The following CEACAM8 variants were observed in gnomAD, a reference collection of about 807,000 sequenced individuals.
The protein encoded by CEACAM8 is cell adhesion molecule CEACAM8.
In CEACAM8, 31 loss-of-function variants were observed where a neutral mutation model predicts 33.4. That is an observed-to-expected ratio of 0.93 (90% CI 0.70 to 1.25). The LOEUF is 1.25. Ranked by LOEUF, CEACAM8 falls within the 50% of genes most tolerant of loss-of-function variation. The pLI, the probability that CEACAM8 is intolerant of heterozygous loss-of-function variation, is 0.00. For synonymous variants in CEACAM8, 138 were observed against 164.5 expected (o/e 0.84, Z 1.23); for missense variants, 388 against 434.6 (o/e 0.89, Z 0.95).
At chr19:42,586,384 G>C (rs1048970504) in intron 4 of CEACAM8, among the ~76,000 whole-genome samples, 1 of 152,196 alleles carries the variant, frequency 6.6e-6, no homozygotes, top group African/African-American at 2.4e-5. Flanking sequence ...CTTGCGTAAA[G>C]GAAGACAGAA....
In CEACAM8 at chr19:42,589,493, C is replaced by T. The variant is rs764853060; in HGVS notation, c.667G>A (p.Ala223Thr). ...YECEIQNPAS[A>T]NFSDPVTLNV... ...AGGGTGACTGGGTCACTGAAGTTTG[C>T]ACTCGCTGGGTTCTGTATTTCACAT... The change falls in exon 3 of 6, where the codon GCA becomes ACA. Residue 223 changes from alanine to threonine, a missense_variant. Ala to Thr is a moderately conservative substitution (Grantham distance 58). Transcript: ENST00000244336. 1.2e-6 allele frequency: 2 copies of T among 1,614,228 alleles called. No individual in the cohort carries two copies. The highest frequency in any genetic ancestry group is 1.7e-6 in the Non-Finnish European group (2 of 1,180,040).
Position 42,583,784 on chromosome 19 carries a change from G to C in CEACAM8, c.959-447C>G, listed in dbSNP as rs552810862. ...TGCACAGAGACCTCTCTTCCCAGGG[G>C]CTCCCAGCAGGGGTATGGAAGCAAG... On this transcript the variant is annotated intron_variant, in intron 4 of 5. Coordinates refer to ENST00000244336, the MANE Select transcript of CEACAM8 (RefSeq NM_001816.4). Among the ~76,000 whole-genome samples the C allele has an allele frequency of 1.7e-4, 26 of 152,308 alleles. No homozygotes were observed. In the East Asian group the frequency reaches 4.2e-3, roughly 25 times the overall value.
At chr19:42,581,461 A>C (rs889625005) in intron 5 of CEACAM8, 108 bp from the exon 6 acceptor site, 14 of 152,252 alleles carry the variant, frequency 9.2e-5, no homozygotes, top group African/African-American at 3.1e-4. Flanking sequence ...GGCATATGAC[A>C]TTATGACTGA....
Position 42,589,454 on chromosome 19 carries a change from C to T in CEACAM8, c.703+3G>A, listed in dbSNP as rs774646182. The T allele has an allele frequency of 3.1e-6, 5 of 1,613,962 alleles. No individual in the cohort carries two copies. The highest frequency in any genetic ancestry group is 4.2e-6 in the Non-Finnish European group (5 of 1,179,966). ...GGGCCACAGAGGAACAGAAGATACT[C>T]ACAGAGGACATTCAGGGTGACTGGG... On this transcript the variant is annotated splice_donor_region_variant and intron_variant, in intron 3 of 5. Coordinates refer to ENST00000244336, the MANE Select transcript of CEACAM8 (RefSeq NM_001816.4).
chr19:42,584,227 C>CAA (rs1272853362), intron 4 of CEACAM8, among the ~76,000 whole-genome samples: 3 of 151,690 alleles, frequency 2.0e-5, no homozygotes, highest in Non-Finnish European at 2.9e-5. Context: ...CACACACACA[C>CAA]AACCTTTTGC....
At chr19:42,582,827 G>A (rs536097372) in intron 5 of CEACAM8, among the ~76,000 whole-genome samples, 16 of 152,284 alleles carry the variant, frequency 1.1e-4, no homozygotes, top group African/African-American at 3.9e-4. Flanking sequence ...CTAGATTTTA[G>A]GAAGGTAATG....
At chr19:42,588,763 G>A in intron 4 of CEACAM8, 21 bp downstream of exon 4, 1 of 1,613,034 alleles carries the variant, frequency 6.2e-7, no homozygotes, top group Non-Finnish European at 8.5e-7. Context: ...CATACTGCCA[G>A]TGCTCCAGGG....
intron 4 of CEACAM8, among the ~76,000 whole-genome samples, chr19:42,588,538 C>T (rs141304458): frequency 3.9e-5 from 6 of 152,282 alleles, no homozygotes; most frequent in Non-Finnish European, 8.8e-5. Context: ...TGACATAGGG[C>T]TCTGGGGCTG....
intron 2 of CEACAM8, among the ~76,000 whole-genome samples, chr19:42,591,619 G>C (rs2042440694): frequency 6.6e-6 from 1 of 152,210 alleles, no homozygotes; most frequent in African/African-American, 2.4e-5. Context: ...AATTGGATTA[G>C]GTTTTTGCGA....
intron 4 of CEACAM8, among the ~76,000 whole-genome samples, chr19:42,588,111 C>T (rs1057132375): frequency 6.6e-6 from 1 of 152,230 alleles, no homozygotes; most frequent in African/African-American, 2.4e-5. Context: ...AGCTAGGACA[C>T]TGCTCAGGAG....
At chr19:42,592,495 C>T (rs1174176022) in intron 2 of CEACAM8, among the ~76,000 whole-genome samples, 3 of 144,332 alleles carry the variant, frequency 2.1e-5, no homozygotes, top group South Asian at 2.2e-4. Flanking sequence ...CCCAGCTACT[C>T]GGGAGGCTGA....
Position 42,594,747 on chromosome 19 carries a change from A to C in CEACAM8, c.64+18T>G. ...GTGTTTCCTCCTCCTGTCCTTTCCC[A>C]GGAAGTCCTCTCCTCACCTGTGAGC... On this transcript the variant is annotated intron_variant, in intron 1 of 5. Transcript: ENST00000244336. The C allele has an allele frequency of 2.5e-6, 4 of 1,600,070 alleles. No individual in the cohort carries two copies. Among genetic ancestry groups the C allele is most frequent in the Non-Finnish European group, 2.6e-6 (3 of 1,169,486 alleles).
In CEACAM8 at chr19:42,594,823, C is replaced by T. The variant is rs540815826; in HGVS notation, c.6G>A (p.Gly2=). 1.2e-6 allele frequency: 2 copies of T among 1,610,268 alleles called. No homozygotes were observed. Among genetic ancestry groups the T allele is most frequent in the East Asian group, 2.2e-5 (1 of 44,734 alleles). M[G]PISAPSCRWR... ...ATCTGCAGGAAGGGGCTGAGATGGG[C>T]CCCATGGTCTCTGCTGCCTGCGTGT... Residue 2 remains glycine, a synonymous_variant, in exon 1 of 6, where the codon GGG becomes GGA. Coordinates refer to ENST00000244336, the MANE Select transcript of CEACAM8 (RefSeq NM_001816.4).
At position 42,582,522 on chromosome 19, in the gene CEACAM8, G is replaced by A. The variant is rs145813355; in HGVS notation, c.*40+684C>T. On this transcript the variant is annotated intron_variant, in intron 5 of 5. Coordinates refer to ENST00000244336, the MANE Select transcript of CEACAM8 (RefSeq NM_001816.4). ...AGGTTCACACATTAATGCTAGAGTC[G>A]TTGTTCTCCATGAGGTCAGAGGTTG... 8.5e-5 allele frequency among the ~76,000 whole-genome samples: 13 copies of A among 152,292 alleles called. No individual in the cohort carries two copies. In the East Asian group the frequency reaches 2.3e-3, roughly 27 times the overall value.
At chr19:42,588,743 T>C (rs1413328645) in intron 4 of CEACAM8, 41 bp downstream of exon 4, 1 of 1,609,118 alleles carries the variant, frequency 6.2e-7, no homozygotes, top group South Asian at 1.1e-5. Flanking sequence ...AGATAGACTC[T>C]ACCAGAAAAC....
chr19:42,580,944 G>A lies in CEACAM8; in HGVS notation c.*450C>T, dbSNP rs560009513. The A allele has an allele frequency of 6.6e-6, 1 of 152,184 alleles. No individual in the cohort carries two copies. Among genetic ancestry groups the A allele is most frequent in the Admixed American group, 6.5e-5 (1 of 15,290 alleles). 9.4% of individuals were successfully genotyped at this position (152,184 alleles called of 1,614,324 possible). ...AAATACAAAAAATTAGCCGGGCGTT[G>A]TGGCAGGCGCCTGTAGTCCCAGCTA... On this transcript the variant is annotated 3_prime_UTR_variant, in exon 6 of 6. Coordinates refer to ENST00000244336, the MANE Select transcript of CEACAM8 (RefSeq NM_001816.4).
At chr19:42,589,152 C>T in intron 3 of CEACAM8, 114 bp from the exon 4 acceptor site, 4 of 1,221,644 alleles carry the variant, frequency 3.3e-6, no homozygotes, top group Non-Finnish European at 3.4e-6. Flanking sequence ...GAGCCAAGTC[C>T]CAACCAACCC....
chr19:42,584,647 A>G (rs2042305400), intron 4 of CEACAM8, among the ~76,000 whole-genome samples: 1 of 152,264 alleles, frequency 6.6e-6, no homozygotes, highest in Non-Finnish European at 1.5e-5. Context: ...GCTATGAAGC[A>G]AACACTGTTA....
chr19:42,593,860 C>A lies in CEACAM8; in HGVS notation c.105G>T (p.Gln35His). 1 of 1,610,684 alleles carries A rather than the reference C, an allele frequency of 6.2e-7. No individual in the cohort carries two copies. The highest frequency in any genetic ancestry group is 8.5e-7 in the Non-Finnish European group (1 of 1,177,724). The change falls in exon 2 of 6, where the codon CAG becomes CAT. Residue 35 changes from glutamine to histidine, a missense_variant. Coordinates refer to ENST00000244336, the MANE Select transcript of CEACAM8 (RefSeq NM_001816.4). ...FTFWNPPTTA[Q>H]LTIEAVPSNA... ...TGGATGGCACAGCTTCAATAGTGAG[C>A]TGAGCAGTGGTGGGCGGGTTCCAGA...
Sources: gnomAD v4.1 joint callset for allele counts (sites outside exome capture counted in the v4.1 genomes callset) on GRCh38, gnomAD v4.1.1 for gene constraint, MANE v1.5 for transcripts, NCBI Gene and HGNC (gene_info 2026-07-23, HGNC 2026-07-21) for gene names.